NCOA7: variants seen among roughly 807,000 people sequenced by gnomAD.
The protein encoded by NCOA7 is 140 kDa estrogen receptor-associated protein.
A neutral mutation model predicts 104.3 loss-of-function variants in NCOA7; 45 were observed. That is an observed-to-expected ratio of 0.43 (90% CI 0.34 to 0.55). The LOEUF (loss-of-function observed/expected upper bound fraction) is 0.55. Ranked by LOEUF, NCOA7 falls within the 20% of genes least tolerant of loss-of-function variation. The pLI is 0.02. For missense variants in NCOA7, 1,041 were observed against 1,119.7 expected (o/e 0.93, Z 1.00); for synonymous variants, 398 against 402.3 (o/e 0.99, Z 0.13).
chr6:125,889,212 A>G lies in NCOA7; in HGVS notation c.1158A>G (p.Thr386=). The change falls in exon 9 of 16, where the codon ACA becomes ACG. Residue 386 remains threonine (T), a synonymous_variant. Coordinates refer to ENST00000392477, the MANE Select transcript of NCOA7 (RefSeq NM_181782.5). ...SSRETSHGSP[T]VTKLSKEPSD... ...GGGAGACATCCCATGGTTCTCCCAC[A>G]GTGACTAAGCTCAGCAAGGAACCTT... The G allele has an allele frequency of 6.2e-7, 1 of 1,614,038 alleles. No individual in the cohort carries two copies. Among genetic ancestry groups the G allele is most frequent in the Non-Finnish European group, 8.5e-7 (1 of 1,179,992 alleles).
upstream of NCOA7, among the ~76,000 whole-genome samples, chr6:125,789,575 A>T (rs745643854): frequency 2.0e-5 from 3 of 152,220 alleles, no homozygotes; most frequent in Non-Finnish European, 4.4e-5. Flanking sequence ...CAATTTACAA[A>T]TAACACAATG....
intron 2 of NCOA7, among the ~76,000 whole-genome samples, chr6:125,822,308 T>A (rs190771777): frequency 1.3e-5 from 2 of 152,358 alleles, no homozygotes; most frequent in African/African-American, 2.4e-5. Flanking sequence ...TATACTTTTT[T>A]AATATTTGGT....
chr6:125,843,454 G>T (rs1780342226), intron 2 of NCOA7, among the ~76,000 whole-genome samples: 2 of 152,010 alleles, frequency 1.3e-5, no homozygotes, highest in South Asian at 4.2e-4. Flanking sequence ...GCAGCCATAG[G>T]GAATTAATAC....
chr6:125,839,823 AC>A (rs1779969063), intron 2 of NCOA7, among the ~76,000 whole-genome samples: 1 of 152,060 alleles, frequency 6.6e-6, no homozygotes, highest in Admixed American at 6.5e-5. Flanking sequence ...AAACAAACCC[AC>A]TGTACTGCCA....
intron 2 of NCOA7, chr6:125,818,698 A>G (rs2128576542): frequency 6.6e-6 from 1 of 152,406 alleles, no homozygotes; most frequent in South Asian, 2.1e-4. Context: ...CAAAGAGAAA[A>G]GAACCCCCTT....
chr6:125,897,931 G>A (rs1375388610), intron 10 of NCOA7, among the ~76,000 whole-genome samples: 3 of 152,086 alleles, frequency 2.0e-5, no homozygotes, highest in South Asian at 2.1e-4. Context: ...CGCCTGCCTC[G>A]GCCTCCCGAA....
At chr6:125,836,622 T>G (rs1779627284) in intron 2 of NCOA7, among the ~76,000 whole-genome samples, 1 of 152,048 alleles carries the variant, frequency 6.6e-6, no homozygotes, top group Non-Finnish European at 1.5e-5. Flanking sequence ...AATGCAGGAG[T>G]ATGGAAATCC....
chr6:125,922,899 A>C (rs938626016), intron 13 of NCOA7, 65 bp downstream of exon 13: 17 of 1,449,492 alleles, frequency 1.2e-5, no homozygotes, highest in Middle Eastern at 2.4e-4. Flanking sequence ...AACAGTAGAG[A>C]GACTAGTACC....
In NCOA7 at chr6:125,929,071, T is replaced by A. The variant is rs1355130088; in HGVS notation, c.*300T>A. 1.4e-5 allele frequency: 3 copies of A among 219,300 alleles called. No homozygotes were observed. The highest frequency in any genetic ancestry group is 2.7e-5 in the Non-Finnish European group (3 of 112,552). 13.6% of individuals were successfully genotyped at this position (219,300 alleles called of 1,614,324 possible). A position where few individuals can be genotyped will look rare whatever the true frequency, so the allele number is the denominator to read the frequency against. On this transcript the variant is annotated 3_prime_UTR_variant, in exon 16 of 16. Transcript: ENST00000392477. The stretch of plus-strand genomic sequence containing the variant: ...ATAGATATATGAGTTGAATGCAATT[T>A]TTATTTTTGGTAACTGTGAAAAATA...
At chr6:125,907,570 A>G (rs1435534797) in intron 10 of NCOA7, among the ~76,000 whole-genome samples, 1 of 152,242 alleles carries the variant, frequency 6.6e-6, no homozygotes, top group Non-Finnish European at 1.5e-5. Context: ...TGAAACCTAA[A>G]GCCAAGGAAG....
chr6:125,784,342 A>G (rs1774361935), intron 1 of NCOA7, among the ~76,000 whole-genome samples: 1 of 152,226 alleles, frequency 6.6e-6, no homozygotes, highest in Non-Finnish European at 1.5e-5. Flanking sequence ...AGTTCAAGTA[A>G]CCAAGCAATT....
chr6:125,906,002 C>T (rs532169323), intron 10 of NCOA7, among the ~76,000 whole-genome samples: 6 of 152,154 alleles, frequency 3.9e-5, no homozygotes, highest in Non-Finnish European at 2.9e-5. Flanking sequence ...GGGGTTTCAC[C>T]GTATTGGCCA....
chr6:125,828,489 G>T (rs1029001464), intron 2 of NCOA7, among the ~76,000 whole-genome samples: 3 of 152,178 alleles, frequency 2.0e-5, no homozygotes, highest in Non-Finnish European at 4.4e-5. Flanking sequence ...GCTGGGAAGG[G>T]AAGCCAAATA....
Position 125,928,235 on chromosome 6 carries a change from T to A in NCOA7, c.2681T>A (p.Leu894His). Residue 894 changes from leucine (L) to histidine (H), a missense_variant, in exon 15 of 16, where the codon CTT becomes CAT. Coordinates refer to ENST00000392477, the MANE Select transcript of NCOA7 (RefSeq NM_181782.5). The stretch of plus-strand genomic sequence containing the variant: ...AATGGAGACATAAGTTCTTTAGAAC[T>A]TGGTGGTGGAGGGTAAGGTTTTTTT... ...FINGDISSLE[L>H]GGGGGRFGLW... 1 of 1,611,718 alleles carries A rather than the reference T, an allele frequency of 6.2e-7. No individual in the cohort carries two copies. Among genetic ancestry groups the A allele is most frequent in the Non-Finnish European group, 8.5e-7 (1 of 1,179,548 alleles).
intron 8 of NCOA7, 60 bp from the exon 9 acceptor site, chr6:125,888,879 A>G (rs1241629497): frequency 4.5e-6 from 6 of 1,338,168 alleles, no homozygotes; most frequent in Non-Finnish European, 6.0e-6. Context: ...CCTTTCCTCC[A>G]TTTTGTTTTT....
rs779830277 is a variant in NCOA7 at position 125,830,735 on chromosome 6, A to ATGTGTGTGTGTG, written c.50+15332_50+15333insGTGTGTGTGTGT. 3.6e-3 allele frequency among the ~76,000 whole-genome samples: 480 copies of ATGTGTGTGTGTG among 133,824 alleles called. 2 individuals are homozygous for ATGTGTGTGTGTG. The highest frequency in any genetic ancestry group is 0.017 in the East Asian group (72 of 4,344). 87.8% of individuals were successfully genotyped at this position (133,824 alleles called of 152,430 possible). On this transcript the variant is annotated intron_variant, in intron 2 of 15. Transcript: ENST00000392477. ...CTCTATATATTTTATATATATATAT[A>ATGTGTGTGTGTG]TATGTGTGTGTGTGTGTGTGTGTGT...
chr6:125,863,335 A>G lies in NCOA7; in HGVS notation c.271+8095A>G, dbSNP rs573732166. Reference sequence around the variant, plus strand: ...TGAAACAAAAAGGTACAGTCACTATACAAAAGCAACTGTATCTTAACAAGC... The same window carrying G: ...TGAAACAAAAAGGTACAGTCACTATGCAAAAGCAACTGTATCTTAACAAGC... On this transcript the variant is annotated intron_variant, in intron 3 of 15. Coordinates refer to ENST00000392477, the MANE Select transcript of NCOA7 (RefSeq NM_181782.5). 2.2e-5 allele frequency among the ~76,000 whole-genome samples: 3 copies of G among 138,916 alleles called. No individual in the cohort carries two copies. In the South Asian group the frequency reaches 6.5e-4, roughly 30 times the overall value. 91.1% of individuals were successfully genotyped at this position (138,916 alleles called of 152,430 possible).
chr6:125,858,204 T>C (rs1781745023), intron 3 of NCOA7, among the ~76,000 whole-genome samples: 1 of 152,112 alleles, frequency 6.6e-6, no homozygotes, highest in Non-Finnish European at 1.5e-5. Context: ...GTGTGCTCTT[T>C]AAGTGTGCAT....
Position 125,878,187 on chromosome 6 carries a change from A to G in NCOA7, c.352-76A>G, listed in dbSNP as rs540995791. ...TTAGTTTGTTATTTATTCATATTGC[A>G]GATAAATTAATAGTATCTATCAAAA... On this transcript the variant is annotated intron_variant, in intron 4 of 15. Transcript: ENST00000392477. 118 of 739,952 alleles carry G rather than the reference A, an allele frequency of 1.6e-4. No homozygotes were observed. The African/African-American group carries it at 2.0e-3, about 13-fold the overall frequency. 45.8% of individuals were successfully genotyped at this position (739,952 alleles called of 1,614,324 possible).
Sources: allele counts gnomAD v4.1 joint callset (sites outside exome capture counted in the v4.1 genomes callset), GRCh38; gene constraint gnomAD v4.1.1; transcripts MANE v1.5; gene names NCBI Gene and HGNC (gene_info 2026-07-23, HGNC 2026-07-21).